Variants in RBBP8 observed in about 807,000 individuals in gnomAD.
The protein encoded by RBBP8 is RB binding protein 8, endonuclease.
Under a neutral mutation model 108.3 loss-of-function variants are expected in RBBP8, and 88 were observed. The ratio of observed to expected loss-of-function variants is 0.81; its 90% CI spans 0.68 to 0.97. The LOEUF is 0.97. RBBP8 is among the 50% of genes least tolerant of loss of function. RBBP8 has a pLI of 0.00. For synonymous variants in RBBP8, 332 were observed against 348.2 expected (o/e 0.95, Z 0.52); for missense variants, 1,023 against 1,049.0 (o/e 0.98, Z 0.34).
chr18:22,937,269 A>C (rs1183323581), intron 2 of RBBP8, among the ~76,000 whole-genome samples: 3 of 149,590 alleles, frequency 2.0e-5, no homozygotes, highest in Non-Finnish European at 4.4e-5. Context: ...GTCCATGTGT[A>C]CTAAATGTGT....
At chr18:22,982,493 A>G in intron 7 of RBBP8, 100 bp downstream of exon 7, 3 of 1,584,644 alleles carry the variant, frequency 1.9e-6, no homozygotes, top group African/African-American at 1.3e-5. Flanking sequence ...GATAGTCACT[A>G]TTCTGGTATC....
intron 3 of RBBP8, among the ~76,000 whole-genome samples, chr18:22,948,960 G>A (rs1911797381): frequency 1.3e-5 from 2 of 152,116 alleles, no homozygotes; most frequent in African/African-American, 4.8e-5. Flanking sequence ...GGTTGTCTTT[G>A]TTAGTTTTTT....
intron 4 of RBBP8, among the ~76,000 whole-genome samples, chr18:22,956,639 T>G (rs1302925970): frequency 6.6e-6 from 1 of 152,238 alleles, no homozygotes; most frequent in Non-Finnish European, 1.5e-5. Flanking sequence ...GTTCAGCCTA[T>G]TTTGTTAAAA....
At chr18:22,983,959 C>T (rs1306842651) in intron 7 of RBBP8, among the ~76,000 whole-genome samples, 1 of 152,054 alleles carries the variant, frequency 6.6e-6, no homozygotes, top group Admixed American at 6.5e-5. Flanking sequence ...CACACGCGTG[C>T]AGTCCCAGCT....
In RBBP8 at chr18:22,991,055, T is replaced by G; in HGVS notation, c.920+6T>G. On this transcript the variant is annotated splice_donor_region_variant and intron_variant, in intron 10 of 18. Transcript: ENST00000327155. ...AATACTGAAGATAGTTTAAGGTAATTAAGGGCACGTTGGTGAAAACTGATA... is the reference window on the plus strand; with the variant it reads ...AATACTGAAGATAGTTTAAGGTAATGAAGGGCACGTTGGTGAAAACTGATA... The G allele has an allele frequency of 1.3e-6, 2 of 1,584,240 alleles. No homozygotes were observed. Among genetic ancestry groups the G allele is most frequent in the Non-Finnish European group, 1.7e-6 (2 of 1,154,420 alleles).
At chr18:23,009,982 G>A (rs187047682) in intron 16 of RBBP8, among the ~76,000 whole-genome samples, 2 of 152,252 alleles carry the variant, frequency 1.3e-5, no homozygotes, top group East Asian at 1.9e-4. Flanking sequence ...GGATGGTCTC[G>A]ATCTCTTGAC....
At chr18:22,965,171 T>C (rs1913470472) in intron 4 of RBBP8, among the ~76,000 whole-genome samples, 1 of 152,178 alleles carries the variant, frequency 6.6e-6, no homozygotes, top group South Asian at 2.1e-4. Flanking sequence ...TTTCTTTCTG[T>C]ATAGCTTATT....
intron 8 of RBBP8, 131 bp downstream of exon 8, chr18:22,985,121 A>G: frequency 1.6e-6 from 2 of 1,243,078 alleles, no homozygotes; most frequent in South Asian, 3.3e-5. Flanking sequence ...TTACTAGTTT[A>G]CTATCTTTTT....
upstream of RBBP8, among the ~76,000 whole-genome samples, chr18:22,928,675 CTTTT>C (rs202034700): frequency 6.9e-6 from 1 of 145,390 alleles, no homozygotes; most frequent in African/African-American, 2.5e-5. Flanking sequence ...GCCTTTTTTT[CTTTT>C]TTTTTTTTGA....
intron 3 of RBBP8, among the ~76,000 whole-genome samples, chr18:22,919,365 C>T (rs1342840128): frequency 6.6e-6 from 1 of 152,190 alleles, no homozygotes; most frequent in Non-Finnish European, 1.5e-5. Context: ...TTATTGAGCT[C>T]TTGTAATCAA....
chr18:22,955,715 C>T (rs1416862319), intron 4 of RBBP8, among the ~76,000 whole-genome samples: 1 of 151,710 alleles, frequency 6.6e-6, no homozygotes. Context: ...GTGGCTGGGA[C>T]TACAGGCGCC....
At chr18:22,919,113 T>C (rs1909480583) in intron 3 of RBBP8, among the ~76,000 whole-genome samples, 1 of 152,210 alleles carries the variant, frequency 6.6e-6, no homozygotes, top group Non-Finnish European at 1.5e-5. Context: ...AATATTAAAT[T>C]AGTCTTAGAC....
chr18:22,977,560 T>C (rs1169383426), intron 6 of RBBP8, among the ~76,000 whole-genome samples: 1 of 152,152 alleles, frequency 6.6e-6, no homozygotes, highest in East Asian at 1.9e-4. Context: ...AGGGAGTCTA[T>C]ACACGTAAGA....
chr18:23,025,535 C>T (rs761093074), intron 18 of RBBP8, among the ~76,000 whole-genome samples: 24 of 152,208 alleles, frequency 1.6e-4, no homozygotes, highest in Non-Finnish European at 2.8e-4. Flanking sequence ...TGTGATTGCA[C>T]CCCATGCGTA....
In RBBP8 at chr18:22,996,280, A is replaced by G. The variant is rs187284341; in HGVS notation, c.1940-94A>G. On this transcript the variant is annotated intron_variant, in intron 12 of 18. Transcript: ENST00000327155. ...TCCTTTACCAGACATATGATTTGCA[A>G]AAATTTTCTATTCTTTAGGTCCCAT... 5.1e-5 allele frequency: 79 copies of G among 1,543,978 alleles called. No homozygotes were observed. In the East Asian group the frequency reaches 1.7e-3, roughly 34 times the overall value.
intron 4 of RBBP8, among the ~76,000 whole-genome samples, chr18:22,955,329 T>C (rs900660115): frequency 6.6e-6 from 1 of 152,220 alleles, no homozygotes; most frequent in African/African-American, 2.4e-5. Flanking sequence ...CAAAATTTCC[T>C]GTGGGCACAC....
chr18:23,002,404 CA>C (rs1305107771), intron 15 of RBBP8, among the ~76,000 whole-genome samples: 3 of 151,756 alleles, frequency 2.0e-5, no homozygotes, highest in African/African-American at 4.8e-5. Flanking sequence ...GACCCTGTCT[CA>C]AAAAAATAAT....
intron 3 of RBBP8, among the ~76,000 whole-genome samples, chr18:22,918,450 GTGTGA>G (rs1444566760): frequency 6.6e-6 from 1 of 152,152 alleles, no homozygotes; most frequent in African/African-American, 2.4e-5. Flanking sequence ...AACATAGTGT[GTGTGA>G]TAAGTATTTG....
At chr18:22,958,991 T>C (rs1489130112) in intron 4 of RBBP8, among the ~76,000 whole-genome samples, 6 of 152,226 alleles carry the variant, frequency 3.9e-5, no homozygotes, top group African/African-American at 1.4e-4. Flanking sequence ...ATTTCTCTCA[T>C]GTTAAACAGT....
Sources: gnomAD v4.1 joint callset for allele counts (sites outside exome capture counted in the v4.1 genomes callset) on GRCh38, gnomAD v4.1.1 for gene constraint, MANE v1.5 for transcripts, NCBI Gene and HGNC (gene_info 2026-07-23, HGNC 2026-07-21) for gene names.